TMPRSS6: variants seen among roughly 807,000 people sequenced by gnomAD.
The protein encoded by TMPRSS6 is transmembrane serine protease 6, also known as transmembrane protease serine 6.
In TMPRSS6, 67 loss-of-function variants were observed where a neutral mutation model predicts 101.5. That is an observed-to-expected ratio of 0.66 (90% CI 0.54 to 0.81). The LOEUF (loss-of-function observed/expected upper bound fraction) is 0.81. TMPRSS6 is among the 30% of genes least tolerant of loss of function. The pLI, the probability that TMPRSS6 is intolerant of heterozygous loss-of-function variation, is 0.00. For synonymous variants in TMPRSS6, 453 were observed against 464.9 expected, an observed-to-expected ratio of 0.97 and a Z score of 0.33; for missense variants, 1,034 against 1,088.7, an observed-to-expected ratio of 0.95 and a Z score of 0.71.
chr22:37,092,547 A>G (rs1929363646), intron 6 of TMPRSS6, among the ~76,000 whole-genome samples: 1 of 147,856 alleles, frequency 6.8e-6, no homozygotes, highest in South Asian at 2.1e-4. Context: ...CCCAGGCTGG[A>G]GTGCAATGGT....
chr22:37,083,996 G>A, intron 10 of TMPRSS6: 1 of 557,868 alleles, frequency 1.8e-6, no homozygotes, highest in Non-Finnish European at 3.2e-6. Context: ...GGGGGTTACA[G>A]CACCCAAGAA....
chr22:37,098,143 A>G (rs1038281937), intron 3 of TMPRSS6, among the ~76,000 whole-genome samples: 3 of 148,698 alleles, frequency 2.0e-5, no homozygotes, highest in Non-Finnish European at 4.5e-5. Context: ...CGGGCCCTCA[A>G]TAGTGTCAGC....
chr22:37,070,458 C>G, intron 15 of TMPRSS6, 26 bp downstream of exon 15: 3 of 1,613,188 alleles, frequency 1.9e-6, no homozygotes, highest in Non-Finnish European at 2.5e-6. Flanking sequence ...CTCTTACTGC[C>G]TAGGCCCCCA....
Position 37,070,567 on chromosome 22 carries a change from C to T in TMPRSS6, c.1758G>A (p.Gln586=), listed in dbSNP as rs761001841. ...CCCCACAGATGTGTCGACCCCGAAC[C>T]TGGAGGCTGGCCTGCCATGGCCACT... is the stretch of plus-strand genomic sequence containing the variant. ...EGEWPWQASL[Q]VRGRHICGGA... is the part of the protein sequence containing the mutation. The change falls in exon 15 of 18, where the codon CAG becomes CAA. Residue 586 remains glutamine, a synonymous_variant. Coordinates refer to ENST00000676104, the MANE Select transcript of TMPRSS6 (RefSeq NM_001374504.1). The T allele has an allele frequency of 4.3e-6, 7 of 1,613,292 alleles. No individual in the cohort carries two copies. The highest frequency in any genetic ancestry group is 5.9e-6 in the Non-Finnish European group (7 of 1,180,016).
chr22:37,094,426 GAT>G (rs751006482), intron 6 of TMPRSS6, among the ~76,000 whole-genome samples: 10,109 of 146,866 alleles, frequency 0.069, 443 homozygotes, highest in African/African-American at 0.13. Context: ...TAGATAGATA[GAT>G]ATAAACAGAC....
chr22:37,095,782 G>A (rs2543510), intron 5 of TMPRSS6, 124 bp downstream of exon 5: 514,746 of 1,318,574 alleles, frequency 0.39, 102,378 homozygotes, highest in African/African-American at 0.47. Context: ...CACCTGGGGG[G>A]CTCTCCTGGG....
chr22:37,090,090 C>A (rs796173715), intron 6 of TMPRSS6, among the ~76,000 whole-genome samples: 1 of 152,242 alleles, frequency 6.6e-6, no homozygotes, highest in African/African-American at 2.4e-5. Context: ...CAGACAGACA[C>A]AGAACAGGCA....
At chr22:37,075,312 A>G in intron 10 of TMPRSS6, 32 bp from the exon 11 acceptor site, 2 of 1,612,178 alleles carry the variant, frequency 1.2e-6, no homozygotes, top group South Asian at 2.2e-5. Context: ...TCAGGGCTGC[A>G]CTGGCTGGTC....
At position 37,103,880 on chromosome 22, in the gene TMPRSS6, C is replaced by T. The variant is rs1301588430; in HGVS notation, c.-1-462G>A. Among the ~76,000 whole-genome samples the T allele has an allele frequency of 6.6e-6, 1 of 152,194 alleles. No homozygotes were observed. Among genetic ancestry groups the T allele is most frequent in the Non-Finnish European group, 1.5e-5 (1 of 68,034 alleles). On this transcript the variant is annotated intron_variant, in intron 1 of 17. Transcript: ENST00000676104. The surrounding 1 kb of genome is among the most constrained non-coding windows in gnomAD (Gnocchi z 4.4). The stretch of plus-strand genomic sequence containing the variant: ...CACGGAGCTTCCCACCACGCCCACA[C>T]AGTCCATGCACTTAGCCCCCGCCCC...
At chr22:37,094,143 C>A (rs569625392) in intron 6 of TMPRSS6, among the ~76,000 whole-genome samples, 1 of 152,142 alleles carries the variant, frequency 6.6e-6, no homozygotes, top group South Asian at 2.1e-4. Context: ...GATTAAGTCC[C>A]CCTGAGGCTC....
In TMPRSS6 at chr22:37,074,696, T is replaced by A. The variant is rs865982171; in HGVS notation, c.1355A>T (p.Glu452Val). The change falls in exon 12 of 18, where the codon GAG becomes GTG. Residue 452 changes from glutamate (E) to valine (V), a missense_variant. Transcript: ENST00000676104. ...GAGTCCATTCACAGAACAGAGGAAC[T>A]CTCCAGGGCAGGCTGCAAAACCACA... ...LYNQSDPCPG[E>V]FLCSVNGLCV... 6.2e-7 allele frequency: 1 copy of A among 1,613,926 alleles called. No individual in the cohort carries two copies. Among genetic ancestry groups the A allele is most frequent in the African/African-American group, 1.3e-5 (1 of 74,876 alleles).
chr22:37,108,810 G>A (rs1379347104), intron 1 of TMPRSS6, among the ~76,000 whole-genome samples: 1 of 152,172 alleles, frequency 6.6e-6, no homozygotes, highest in Non-Finnish European at 1.5e-5. Context: ...GAGCAGAGCA[G>A]GGACTCTGGG....
At chr22:37,067,887 C>T (rs554298730) in intron 16 of TMPRSS6, among the ~76,000 whole-genome samples, 1 of 152,372 alleles carries the variant, frequency 6.6e-6, no homozygotes, top group South Asian at 2.1e-4. Context: ...TTGCTCCTCG[C>T]CCAGGCACGC....
intron 10 of TMPRSS6, among the ~76,000 whole-genome samples, chr22:37,077,280 C>T (rs1927756926): frequency 2.6e-5 from 4 of 152,208 alleles, no homozygotes; most frequent in Admixed American, 2.6e-4. Context: ...GCTCACCTAG[C>T]TTGCTTGAGG....
chr22:37,069,352 G>C lies in TMPRSS6; in HGVS notation c.1842-8C>G, dbSNP rs1926669026. 6.9e-7 allele frequency: 1 copy of C among 1,459,108 alleles called. No individual in the cohort carries two copies. The highest frequency in any genetic ancestry group is 1.2e-5 in the South Asian group (1 of 80,682). The allele number at this position is 1,459,108 out of a possible 1,614,324, so 90.4% of individuals were successfully genotyped here. A position where few individuals can be genotyped will look rare whatever the true frequency, so the allele number is the denominator to read the frequency against. The stretch of plus-strand genomic sequence containing the variant: ...AGCACCGTGGAGGCCATGCTGGGGT[G>C]GGGTGGGGTGGGGTGGGGTGGGGTG... On this transcript the variant is annotated splice_region_variant and splice_polypyrimidine_tract_variant and intron_variant, in intron 15 of 17. Transcript: ENST00000676104. The surrounding 1 kb of genome is among the most constrained non-coding windows in gnomAD (Gnocchi z 4.8).
intron 13 of TMPRSS6, among the ~76,000 whole-genome samples, chr22:37,072,276 CATGGATGGATGGATG>C (rs1250439735): frequency 1.1e-3 from 49 of 43,164 alleles, no homozygotes; most frequent in East Asian, 3.2e-3. Context: ...TGGATGGTTG[CATGGATGGATGGATG>C]ATGGATGGAT....
rs369437677 is a variant in TMPRSS6, at chr22:37,086,259, C to A, written c.973+24G>T. 30 of 1,613,902 alleles carry A rather than the reference C, an allele frequency of 1.9e-5. No individual in the cohort carries two copies. The East Asian group carries it at 6.0e-4, about 32-fold the overall frequency. On this transcript the variant is annotated intron_variant, in intron 8 of 17. Transcript: ENST00000676104. Reference sequence around the variant, plus strand: ...GGATTCTACCACCACCCCTCCCCTGCCCCAGGGACCCCTGACCTCTCACCC... The same window carrying A: ...GGATTCTACCACCACCCCTCCCCTGACCCAGGGACCCCTGACCTCTCACCC...
rs1386208897 is a variant in TMPRSS6 at position 37,093,829 on chromosome 22, C to T, written c.631+1722G>A. 2.0e-5 allele frequency among the ~76,000 whole-genome samples: 3 copies of T among 151,666 alleles called. No individual in the cohort carries two copies. In the East Asian group the frequency reaches 5.9e-4, roughly 30 times the overall value. On this transcript the variant is annotated intron_variant, in intron 6 of 17. Transcript: ENST00000676104. ...CCTGAGGTCAGGAGCTCGAGACCAG[C>T]CTGGCCAACACGGCAAAACCTCATC...
chr22:37,080,103 C>T (rs1558955), intron 10 of TMPRSS6: 81,393 of 152,288 alleles, frequency 0.53, 22,054 homozygotes, highest in Non-Finnish European at 0.55. Context: ...GGGGGAAGCC[C>T]GTGCTTCGGT....
Sources: allele counts gnomAD v4.1 joint callset (sites outside exome capture counted in the v4.1 genomes callset), GRCh38; gene constraint gnomAD v4.1.1; non-coding constraint Gnocchi (gnomAD v3.1); transcripts MANE v1.5; gene names NCBI Gene and HGNC (gene_info 2026-07-23, HGNC 2026-07-21).